The following CC2D2B variants were observed in gnomAD, a reference collection of about 807,000 sequenced individuals.
The protein encoded by CC2D2B is coiled-coil and C2 domain containing 2B.
Under a neutral mutation model 161.2 loss-of-function variants are expected in CC2D2B, and 128 were observed. That is an observed-to-expected ratio of 0.79 (90% CI 0.69 to 0.92). The LOEUF (loss-of-function observed/expected upper bound fraction) is 0.92. Ranked by LOEUF, CC2D2B falls within the 40% of genes least tolerant of loss-of-function variation. The pLI, the probability that CC2D2B is intolerant of heterozygous loss-of-function variation, is 0.00. For synonymous variants in CC2D2B, 391 were observed against 449.8 expected, an observed-to-expected ratio of 0.87 and a Z score of 1.65; for missense variants, 1,173 against 1,375.1, an observed-to-expected ratio of 0.85 and a Z score of 2.32.
chr10:95,958,559 GAGAT>G (rs10582349), intron 11 of CC2D2B, among the ~76,000 whole-genome samples: 82,574 of 151,264 alleles, frequency 0.55, 22,962 homozygotes, highest in Admixed American at 0.62. Flanking sequence ...TAACAATAAA[GAGAT>G]AGAAAATTGA....
In CC2D2B at chr10:96,004,199, A is replaced by T. The variant is rs766936648; in HGVS notation, c.2897A>T (p.Asp966Val). Residue 966 changes from aspartate (D) to valine (V), a missense_variant, in exon 25 of 35, where the codon GAT becomes GTT. Asp to Val is a radical substitution (Grantham distance 152). Transcript: ENST00000646931. ...YSFSSLSKIK[D>V]NIYINIFDEM... ...TTCTCAAGCTTATCTAAAATAAAAG[A>T]TAACATATATATCAACATTTTTGAT... The T allele has an allele frequency of 1.3e-6, 2 of 1,556,402 alleles. No homozygotes were observed. The highest frequency in any genetic ancestry group is 1.7e-6 in the Non-Finnish European group (2 of 1,152,348).
chr10:96,027,194 T>C lies in CC2D2B; in HGVS notation c.3948-18T>C. 2 of 1,481,462 alleles carry C rather than the reference T, an allele frequency of 1.4e-6. No individual in the cohort carries two copies. Among genetic ancestry groups the C allele is most frequent in the South Asian group, 2.7e-5 (2 of 74,452 alleles). 91.8% of individuals were successfully genotyped at this position (1,481,462 alleles called of 1,614,324 possible). A position where few individuals can be genotyped will look rare whatever the true frequency, so the allele number is the denominator to read the frequency against. On this transcript the variant is annotated intron_variant, in intron 33 of 34. Coordinates refer to ENST00000646931, the MANE Select transcript of CC2D2B (RefSeq NM_001349008.3). Reference sequence around the variant, plus strand: ...AGTTATAACTTGTCATAAAATTACCTTTGGATTCTTACCTTAGGATCGAAA... The same window carrying C: ...AGTTATAACTTGTCATAAAATTACCCTTGGATTCTTACCTTAGGATCGAAA...
intron 24 of CC2D2B, chr10:95,999,980 A>ACAG: frequency 1.2e-6 from 1 of 818,706 alleles, no homozygotes; most frequent in Non-Finnish European, 1.9e-6. Flanking sequence ...CTCAATACAC[A>ACAG]CATTAATTCT....
At chr10:96,028,408 A>C (rs2079877174) in intron 34 of CC2D2B, among the ~76,000 whole-genome samples, 1 of 152,210 alleles carries the variant, frequency 6.6e-6, no homozygotes, top group African/African-American at 2.4e-5. Flanking sequence ...AGAAATGCAA[A>C]TCAAAACTAA....
At chr10:95,928,607 T>C (rs1468087910) in intron 6 of CC2D2B, among the ~76,000 whole-genome samples, 1 of 152,142 alleles carries the variant, frequency 6.6e-6, no homozygotes, top group Non-Finnish European at 1.5e-5. Context: ...CTTCCCTGTG[T>C]CCATGTGTTC....
chr10:96,019,573 C>A, intron 31 of CC2D2B, 129 bp from the exon 32 acceptor site: 1 of 958,134 alleles, frequency 1.0e-6, no homozygotes, highest in Non-Finnish European at 1.6e-6. Context: ...TTATCTCCTG[C>A]CTCAGAACCC....
chr10:95,934,229 C>A (rs932455138), intron 6 of CC2D2B, among the ~76,000 whole-genome samples: 3 of 152,168 alleles, frequency 2.0e-5, no homozygotes, highest in Admixed American at 1.3e-4. Flanking sequence ...ACGCCCCTTC[C>A]CCACCAAGCT....
In CC2D2B at chr10:95,980,690, C is replaced by G. The variant is rs79498669; in HGVS notation, c.1944-1285C>G. On this transcript the variant is annotated intron_variant, in intron 17 of 34. Coordinates refer to ENST00000646931, the MANE Select transcript of CC2D2B (RefSeq NM_001349008.3). ...CACCTGTTCGTAATTTTCCTTACAT[C>G]TTACCATACCACACATTGGCTTTTG... 5.2e-3 allele frequency among the ~76,000 whole-genome samples: 799 copies of G among 152,238 alleles called. 4 individuals are homozygous for G. Among genetic ancestry groups the G allele is most frequent in the African/African-American group, 0.018 (762 of 41,524 alleles).
chr10:95,992,471 A>G (rs886474334), intron 21 of CC2D2B, 56 bp from the exon 22 acceptor site: 1 of 1,176,366 alleles, frequency 8.5e-7, no homozygotes, highest in South Asian at 4.3e-5. Flanking sequence ...AAAGACTGTT[A>G]TCTTTTAAAA....
At chr10:95,922,662 C>T (rs2098529682) in intron 3 of CC2D2B, among the ~76,000 whole-genome samples, 1 of 152,166 alleles carries the variant, frequency 6.6e-6, no homozygotes, top group Admixed American at 6.6e-5. Context: ...AAGTAAAAAG[C>T]AAGGCAAAGT....
chr10:95,953,044 T>A (rs368066743), intron 10 of CC2D2B, among the ~76,000 whole-genome samples: 4 of 152,170 alleles, frequency 2.6e-5, no homozygotes, highest in Non-Finnish European at 4.4e-5. Flanking sequence ...ATATTCAGTA[T>A]TTTTCTCTAG....
Position 96,032,333 on chromosome 10 carries a change from A to G in CC2D2B, c.*325A>G, listed in dbSNP as rs1178843407. On this transcript the variant is annotated 3_prime_UTR_variant, in exon 35 of 35. Coordinates refer to ENST00000646931, the MANE Select transcript of CC2D2B (RefSeq NM_001349008.3). ...TTCTCCTAAGACCAATGTTTCTCAA[A>G]TTGTAGAATTCACACCACCTCCATT... The G allele has an allele frequency of 4.3e-6, 1 of 232,494 alleles. No individual in the cohort carries two copies. Among genetic ancestry groups the G allele is most frequent in the Admixed American group, 5.0e-5 (1 of 20,046 alleles). 14.4% of individuals were successfully genotyped at this position (232,494 alleles called of 1,614,324 possible).
intron 10 of CC2D2B, among the ~76,000 whole-genome samples, chr10:95,954,313 C>A (rs2076502366): frequency 6.6e-6 from 1 of 152,054 alleles, no homozygotes; most frequent in Admixed American, 6.6e-5. Flanking sequence ...TAAGACTGGG[C>A]TCCAACTCCA....
At chr10:95,922,194 A>G in intron 3 of CC2D2B, 118 bp downstream of exon 3, 2 of 509,884 alleles carry the variant, frequency 3.9e-6, no homozygotes, top group Non-Finnish European at 6.9e-6. Flanking sequence ...GAATCAGTTT[A>G]AAGAGAAATT....
At chr10:96,029,820 T>G (rs1053823742) in intron 34 of CC2D2B, among the ~76,000 whole-genome samples, 5 of 151,324 alleles carry the variant, frequency 3.3e-5, no homozygotes, top group Non-Finnish European at 7.4e-5. Flanking sequence ...TTGTTTTGTT[T>G]TTTTTTTTGC....
chr10:96,013,890 A>G lies in CC2D2B; in HGVS notation c.3516+13A>G, dbSNP rs1321275648. ...GATGACATCAGAGGTAATAAATTAC[A>G]TTTTATATATATAATTGAAATATAT... On this transcript the variant is annotated intron_variant, in intron 29 of 34. Coordinates refer to ENST00000646931, the MANE Select transcript of CC2D2B (RefSeq NM_001349008.3). 2 of 1,295,174 alleles carry G rather than the reference A, an allele frequency of 1.5e-6. No individual in the cohort carries two copies. The highest frequency in any genetic ancestry group is 2.2e-5 in the Admixed American group (1 of 46,320). 80.2% of individuals were successfully genotyped at this position (1,295,174 alleles called of 1,614,324 possible).
At chr10:95,987,854 A>C (rs564488116) in intron 19 of CC2D2B, among the ~76,000 whole-genome samples, 2 of 152,178 alleles carry the variant, frequency 1.3e-5, no homozygotes, top group Non-Finnish European at 2.9e-5. Flanking sequence ...GCCAGGGCCA[A>C]CTTGAACCTA....
Position 95,968,824 on chromosome 10 carries a change from C to A in CC2D2B, c.1567C>A (p.Gln523Lys), listed in dbSNP as rs768789692. The part of the protein sequence containing the change: ...QVSCTSVSPL[Q>K]FDFKVMFQQI... ...TTCTTGTACTTCAGTATCTCCCCTACAGTTTGATTTTAAAGTCATGTTTCA... is the reference window on the plus strand; with the variant it reads ...TTCTTGTACTTCAGTATCTCCCCTAAAGTTTGATTTTAAAGTCATGTTTCA... Residue 523 changes from glutamine (Q) to lysine (K), a missense_variant, in exon 15 of 35, where the codon CAG becomes AAG. By Grantham distance (53) the Gln-to-Lys change is moderately conservative. Coordinates refer to ENST00000646931, the MANE Select transcript of CC2D2B (RefSeq NM_001349008.3). The A allele has an allele frequency of 8.2e-7, 1 of 1,213,266 alleles. No homozygotes were observed. Among genetic ancestry groups the A allele is most frequent in the Admixed American group, 4.2e-5 (1 of 23,674 alleles). The allele number at this position is 1,213,266 out of a possible 1,614,324, so 75.2% of individuals were successfully genotyped here.
At chr10:95,938,742 C>T (rs1303456479) in intron 8 of CC2D2B, 37 bp downstream of exon 8, 1 of 703,164 alleles carries the variant, frequency 1.4e-6, no homozygotes, top group African/African-American at 1.8e-5. Flanking sequence ...ACACTGGCTA[C>T]TATGTGACTT....
Sources: allele counts gnomAD v4.1 joint callset (sites outside exome capture counted in the v4.1 genomes callset), GRCh38; gene constraint gnomAD v4.1.1; transcripts MANE v1.5; gene names NCBI Gene and HGNC (gene_info 2026-07-23, HGNC 2026-07-21).